The following TNIK variants were observed in gnomAD, a reference collection of about 807,000 sequenced individuals.
TNIK encodes the protein TRAF2 and NCK interacting kinase, also known as TRAF2 and NCK-interacting protein kinase.
Under a neutral mutation model 191.3 loss-of-function variants are expected in TNIK, and 49 were observed. The ratio of observed to expected loss-of-function variants is 0.26; its 90% CI spans 0.20 to 0.32. TNIK has a LOEUF of 0.32. Among genes scored for constraint, TNIK ranks in the 10% least tolerant of loss-of-function variants. The pLI is 1.00. For synonymous variants in TNIK, 594 were observed against 600.9 expected (o/e 0.99, Z 0.17); for missense variants, 1,155 against 1,702.3 (o/e 0.68, Z 5.66).
chr3:171,226,573 G>T (rs1053114725), intron 3 of TNIK, among the ~76,000 whole-genome samples: 3 of 151,956 alleles, frequency 2.0e-5, no homozygotes, highest in African/African-American at 7.3e-5. Flanking sequence ...ATTAATATAA[G>T]GCACATACAG....
At chr3:171,080,942 G>T (rs1354359939) in intron 27 of TNIK, among the ~76,000 whole-genome samples, 1 of 152,148 alleles carries the variant, frequency 6.6e-6, no homozygotes, top group Non-Finnish European at 1.5e-5. Context: ...GTTAGTTCAA[G>T]AATCTTTTGC....
chr3:171,126,319 T>G (rs1156991212), intron 16 of TNIK, among the ~76,000 whole-genome samples, 168 bp from the exon 17 acceptor site: 2 of 152,070 alleles, frequency 1.3e-5, no homozygotes, highest in Non-Finnish European at 2.9e-5. Flanking sequence ...CTCTTCAAAA[T>G]TTTCCATTGG....
intron 22 of TNIK, 99 bp downstream of exon 22, chr3:171,101,350 G>C (rs1723525291): frequency 7.5e-7 from 1 of 1,330,556 alleles, no homozygotes. Context: ...TCTTGCCACA[G>C]ACCCATATAC....
intron 1 of TNIK, among the ~76,000 whole-genome samples, chr3:171,437,547 T>C (rs534033021): frequency 1.8e-5 from 1 of 56,118 alleles, no homozygotes; most frequent in Non-Finnish European, 3.4e-5. Context: ...CTGGGATTTA[T>C]GGCTGCATTT....
intron 20 of TNIK, among the ~76,000 whole-genome samples, 190 bp from the exon 21 acceptor site, chr3:171,107,396 A>G (rs78656112): frequency 6.6e-6 from 1 of 152,238 alleles, no homozygotes; most frequent in African/African-American, 2.4e-5. Context: ...TTACTTTAAG[A>G]TGTTAAAAAA....
chr3:171,412,726 A>C (rs1235167911), intron 1 of TNIK, among the ~76,000 whole-genome samples: 1 of 152,218 alleles, frequency 6.6e-6, no homozygotes, highest in Non-Finnish European at 1.5e-5. Flanking sequence ...TAACTCTGCC[A>C]ATTACTGTGC....
intron 28 of TNIK, among the ~76,000 whole-genome samples, chr3:171,075,790 G>A (rs571631064): frequency 2.1e-4 from 31 of 151,046 alleles, no homozygotes; most frequent in African/African-American, 6.3e-4. Flanking sequence ...AGGCTGGAGT[G>A]CAGTGGCACC....
chr3:171,459,639 C>G (rs1338869069), intron 1 of TNIK, among the ~76,000 whole-genome samples: 2 of 150,934 alleles, frequency 1.3e-5, no homozygotes, highest in African/African-American at 4.9e-5. Flanking sequence ...ACAGTCGGGT[C>G]TCGCGCCTTG....
chr3:171,058,664 T>A lies in TNIK; in HGVS notation c.*5217A>T, dbSNP rs1717564509. Reference sequence around the variant, plus strand: ...CTCAGGTGAGGTTATAATCCAGTTTTAGCAAATGTTTGACAATTTAAAATA... The same window carrying A: ...CTCAGGTGAGGTTATAATCCAGTTTAAGCAAATGTTTGACAATTTAAAATA... On this transcript the variant is annotated 3_prime_UTR_variant, in exon 33 of 33. Transcript: ENST00000436636. Among the ~76,000 whole-genome samples the A allele has an allele frequency of 6.6e-6, 1 of 152,222 alleles. No individual in the cohort carries two copies. The highest frequency in any genetic ancestry group is 6.5e-5 in the Admixed American group (1 of 15,278).
At chr3:171,291,807 C>T (rs1197447532) in intron 2 of TNIK, among the ~76,000 whole-genome samples, 2 of 152,118 alleles carry the variant, frequency 1.3e-5, no homozygotes, top group Non-Finnish European at 2.9e-5. Flanking sequence ...TGGTCATTAT[C>T]TCATCAATAT....
At chr3:171,100,142 T>C (rs1274888456) in intron 22 of TNIK, among the ~76,000 whole-genome samples, 2 of 152,188 alleles carry the variant, frequency 1.3e-5, no homozygotes, top group Non-Finnish European at 2.9e-5. Flanking sequence ...AAAACATCTG[T>C]CAGAAGAATT....
intron 1 of TNIK, among the ~76,000 whole-genome samples, chr3:171,379,590 C>G (rs909328522): frequency 2.0e-5 from 3 of 152,154 alleles, no homozygotes; most frequent in Non-Finnish European, 4.4e-5. Flanking sequence ...AAAGGCACAC[C>G]AACTCCATAA....
At chr3:171,154,454 T>G (rs746141927) in intron 12 of TNIK, among the ~76,000 whole-genome samples, 3 of 152,188 alleles carry the variant, frequency 2.0e-5, no homozygotes, top group Non-Finnish European at 2.9e-5. Context: ...TCTATTTGAT[T>G]CATTCCTGTG....
At chr3:171,115,293 T>C (rs971657725) in intron 18 of TNIK, among the ~76,000 whole-genome samples, 1 of 152,214 alleles carries the variant, frequency 6.6e-6, no homozygotes, top group African/African-American at 2.4e-5. Context: ...CCTTTGATTA[T>C]TTAGCCAAAA....
chr3:171,451,292 G>A (rs757928979), intron 1 of TNIK, among the ~76,000 whole-genome samples: 4 of 152,224 alleles, frequency 2.6e-5, no homozygotes, highest in Non-Finnish European at 4.4e-5. Flanking sequence ...AGCCACCTAC[G>A]TGGGGAGGAA....
chr3:171,210,997 A>T (rs959551051), intron 4 of TNIK, 119 bp downstream of exon 4: 1 of 1,276,276 alleles, frequency 7.8e-7, no homozygotes, highest in African/African-American at 1.5e-5. Flanking sequence ...TACGGACATC[A>T]TGGGGGCTAA....
chr3:171,353,232 G>A (rs1713484204), intron 2 of TNIK, among the ~76,000 whole-genome samples: 1 of 152,072 alleles, frequency 6.6e-6, no homozygotes, highest in African/African-American at 2.4e-5. Context: ...CTGAGCAGTC[G>A]ACCCCACCAT....
intron 2 of TNIK, among the ~76,000 whole-genome samples, chr3:171,252,736 T>C (rs1746380572): frequency 6.6e-6 from 1 of 152,308 alleles, no homozygotes; most frequent in African/African-American, 2.4e-5. Context: ...TCTGTTTATC[T>C]GGGAGAAACT....
intron 2 of TNIK, among the ~76,000 whole-genome samples, chr3:171,362,084 T>G (rs910534957): frequency 1.3e-5 from 2 of 152,184 alleles, no homozygotes; most frequent in African/African-American, 4.8e-5. Flanking sequence ...GAAGAAATAC[T>G]GTTGCTTCTC....
Sources: allele counts gnomAD v4.1 joint callset (sites outside exome capture counted in the v4.1 genomes callset), GRCh38; gene constraint gnomAD v4.1.1; transcripts MANE v1.5; gene names NCBI Gene and HGNC (gene_info 2026-07-23, HGNC 2026-07-21).